The following CNGB1 variants were observed in gnomAD, a reference collection of about 807,000 sequenced individuals.
CNGB1 encodes cyclic nucleotide gated channel subunit beta 1.
In CNGB1, 126 loss-of-function variants were observed where a neutral mutation model predicts 151.7. That is an observed-to-expected ratio of 0.83 (90% CI 0.72 to 0.96). The LOEUF is 0.96. Among genes scored for constraint, CNGB1 ranks in the 40% least tolerant of loss-of-function variants. The pLI, the probability that CNGB1 is intolerant of heterozygous loss-of-function variation, is 0.00. For missense variants in CNGB1, 1,698 were observed against 1,627.0 expected, an observed-to-expected ratio of 1.04 and a Z score of -0.75; for synonymous variants, 623 against 635.1, an observed-to-expected ratio of 0.98 and a Z score of 0.29.
chr16:57,911,814 A>G lies in CNGB1; in HGVS notation c.2431T>C (p.Trp811Arg), dbSNP rs1960722877. 1.2e-6 allele frequency: 2 copies of G among 1,614,116 alleles called. No homozygotes were observed. The highest frequency in any genetic ancestry group is 1.7e-5 in the Admixed American group (1 of 60,024). The change falls in exon 25 of 33, where the codon TGG becomes CGG. Residue 811 changes from tryptophan to arginine, a missense_variant. Transcript: ENST00000251102. ...CCGAGGCCCTGATAGGCCGATGCCCAGTAATAAAGACAGGAATTCAAATGC... is the reference window on the plus strand; with the variant it reads ...CCGAGGCCCTGATAGGCCGATGCCCGGTAATAAAGACAGGAATTCAAATGC... ...SLHLNSCLYY[W>R]ASAYQGLGST...
At position 57,884,150 on chromosome 16, in the gene CNGB1, C is replaced by T. The variant is rs1249177840; in HGVS notation, c.*14G>A. On this transcript the variant is annotated 3_prime_UTR_variant, in exon 33 of 33. Transcript: ENST00000251102. ...ACCTGCTGGAACTGCGCGCGGGATC[C>T]GCCTCACCCCACCTTACTCCGCCTT... 2 of 1,613,814 alleles carry T rather than the reference C, an allele frequency of 1.2e-6. No homozygotes were observed. The highest frequency in any genetic ancestry group is 1.7e-6 in the Non-Finnish European group (2 of 1,179,868).
At chr16:57,912,572 TTGTG>T (rs139857300) in intron 24 of CNGB1, among the ~76,000 whole-genome samples, 23 of 144,668 alleles carry the variant, frequency 1.6e-4, no homozygotes, top group Non-Finnish European at 2.7e-4. Flanking sequence ...ACTTCCTGTG[TTGTG>T]TGTGTGTGTG....
chr16:57,964,362 G>T, intron 3 of CNGB1, 125 bp downstream of exon 3: 1 of 1,407,226 alleles, frequency 7.1e-7, no homozygotes, highest in Non-Finnish European at 9.9e-7. Context: ...CCCACCCTTA[G>T]CTTCTCTGAG....
Position 57,917,400 on chromosome 16 carries a change from C to A in CNGB1, c.2034G>T (p.Trp678Cys). The A allele has an allele frequency of 1.9e-6, 3 of 1,614,048 alleles. No individual in the cohort carries two copies. The highest frequency in any genetic ancestry group is 2.5e-6 in the Non-Finnish European group (3 of 1,180,008). ...NWNCWLIPVRWAFPYQTPDNI... is the reference protein window; with the variant it reads ...NWNCWLIPVRCAFPYQTPDNI... The stretch of plus-strand genomic sequence containing the variant: ...TGTCCGGGGTCTGGTAGGGGAAGGC[C>A]CAGCGCACGGGAATCAGCCAACAGT... The change falls in exon 21 of 33, where the codon TGG becomes TGT. Residue 678 changes from tryptophan (W) to cysteine (C), a missense_variant. By Grantham distance (215) the Trp-to-Cys change is radical (BLOSUM62 -2). Transcript: ENST00000251102.
At chr16:57,967,448 AT>A (rs1206576744) in intron 1 of CNGB1, 154 bp from the exon 2 acceptor site, 1 of 724,338 alleles carries the variant, frequency 1.4e-6, no homozygotes, top group African/African-American at 1.8e-5. Context: ...AATCCCAGCA[AT>A]TTGGGAGGCT....
chr16:57,890,715 T>G (rs1351197154), intron 31 of CNGB1, among the ~76,000 whole-genome samples: 1 of 152,242 alleles, frequency 6.6e-6, no homozygotes, highest in African/African-American at 2.4e-5. Flanking sequence ...GTCCCCCATC[T>G]GCAAAGCAGG....
Position 57,898,058 on chromosome 16 carries a change from G to A in CNGB1, c.2977-144C>T, listed in dbSNP as rs1054971993. ...CCCTGCCACCACAACTTGGGGTGTC[G>A]TGTGGGGGCAGTCACTTCCCTCTCA... On this transcript the variant is annotated intron_variant, in intron 29 of 32. Coordinates refer to ENST00000251102, the MANE Select transcript of CNGB1 (RefSeq NM_001297.5). 1.3e-4 allele frequency: 102 copies of A among 805,792 alleles called. 1 individual carries two copies. In the African/African-American group the frequency reaches 1.3e-3, roughly 11 times the overall value. 49.9% of individuals were successfully genotyped at this position (805,792 alleles called of 1,614,324 possible).
intron 32 of CNGB1, 140 bp downstream of exon 32, chr16:57,887,715 A>G: frequency 1.2e-6 from 1 of 836,414 alleles, no homozygotes; most frequent in Non-Finnish European, 2.0e-6. Flanking sequence ...TGTCACTGGT[A>G]ACCAAATGAG....
intron 7 of CNGB1, among the ~76,000 whole-genome samples, chr16:57,961,932 G>T (rs986292673): frequency 1.3e-5 from 2 of 152,188 alleles, no homozygotes; most frequent in Non-Finnish European, 2.9e-5. Flanking sequence ...AGCTTACTTT[G>T]GAAGTCTACA....
At position 57,960,038 on chromosome 16, in the gene CNGB1, C is replaced by G; in HGVS notation, c.611G>C (p.Gly204Ala). Residue 204 changes from glycine (G) to alanine (A), a missense_variant, in exon 10 of 33, where the codon GGG becomes GCG. Coordinates refer to ENST00000251102, the MANE Select transcript of CNGB1 (RefSeq NM_001297.5). ...GGTCTCCCGGGCCTGCAGCTTGGGC[C>G]CCATTTCCTGGGGGCGTCCTGGAGG... ...PAPPGRPQEMGPKLQARETPS... is the reference protein window; with the variant it reads ...PAPPGRPQEMAPKLQARETPS... 1.3e-6 allele frequency: 2 copies of G among 1,565,620 alleles called. No individual in the cohort carries two copies. Among genetic ancestry groups the G allele is most frequent in the Non-Finnish European group, 1.7e-6 (2 of 1,158,692 alleles).
At position 57,884,168 on chromosome 16, in the gene CNGB1, T is replaced by C; in HGVS notation, c.3752A>G (p.Glu1251Gly). Residue 1251 changes from glutamate (E) to glycine (G), a missense_variant, in exon 33 of 33, where the codon GAG becomes GGG. By Grantham distance (98) the Glu-to-Gly change is moderately conservative (BLOSUM62 -2). Coordinates refer to ENST00000251102, the MANE Select transcript of CNGB1 (RefSeq NM_001297.5). ...KMPEEREEKA[E>G] ...CGGGATCCGCCTCACCCCACCTTACTCCGCCTTCTCCTCCCTTTCCTCCGG... is the reference window on the plus strand; with the variant it reads ...CGGGATCCGCCTCACCCCACCTTACCCCGCCTTCTCCTCCCTTTCCTCCGG... 1 of 1,614,038 alleles carries C rather than the reference T, an allele frequency of 6.2e-7. No homozygotes were observed. The highest frequency in any genetic ancestry group is 8.5e-7 in the Non-Finnish European group (1 of 1,179,918).
At chr16:57,927,481 T>C (rs1341054232) in intron 17 of CNGB1, among the ~76,000 whole-genome samples, 1 of 152,202 alleles carries the variant, frequency 6.6e-6, no homozygotes, top group Admixed American at 6.5e-5. Flanking sequence ...GGCACTTGCT[T>C]GTTTATTTGG....
At position 57,950,560 on chromosome 16, in the gene CNGB1, A is replaced by G; in HGVS notation, c.875-20T>C. ...TGCTGACTGCAGGGAACACAGGAAG[A>G]GCCATTTATGGGATGTGCGGGAGAG... is the stretch of plus-strand genomic sequence containing the variant. On this transcript the variant is annotated intron_variant, in intron 12 of 32. Coordinates refer to ENST00000251102, the MANE Select transcript of CNGB1 (RefSeq NM_001297.5). The G allele has an allele frequency of 6.2e-7, 1 of 1,613,842 alleles. No individual in the cohort carries two copies. Among genetic ancestry groups the G allele is most frequent in the Middle Eastern group, 1.7e-4 (1 of 6,058 alleles).
rs1390089871 is a variant in CNGB1 at position 57,903,975 on chromosome 16, C to T, written c.2641G>A (p.Asp881Asn). 1.2e-6 allele frequency: 2 copies of T among 1,613,690 alleles called. No individual in the cohort carries two copies. Among genetic ancestry groups the T allele is most frequent in the Admixed American group, 1.7e-5 (1 of 59,980 alleles). The change falls in exon 27 of 33, where the codon GAT becomes AAT. Residue 881 changes from aspartate to asparagine, a missense_variant. Coordinates refer to ENST00000251102, the MANE Select transcript of CNGB1 (RefSeq NM_001297.5). ...AFSVMIGQMR[D>N]VVGAATAGQT... is the part of the protein sequence containing the mutation. ...CCGGCGGTGGCGGCCCCTACCACATCTCTCATCTGGGGGAAGGGTTATGGG... is the reference window on the plus strand; with the variant it reads ...CCGGCGGTGGCGGCCCCTACCACATTTCTCATCTGGGGGAAGGGTTATGGG...
Position 57,949,369 on chromosome 16 carries a change from C to T in CNGB1, c.1105G>A (p.Glu369Lys). Residue 369 changes from glutamate (E) to lysine (K), a missense_variant, in exon 14 of 33, where the codon GAG (glutamate) becomes AAG (lysine). Transcript: ENST00000251102. ...EEEEEEEEEE[E>K]EEVTEVLLDS... Reference sequence around the variant, plus strand: ...ATGACTTACTCAGTCACCTCCTCCTCTTCCTCCTCCTCCTCCTCTTCCTCT... The same window carrying T: ...ATGACTTACTCAGTCACCTCCTCCTTTTCCTCCTCCTCCTCCTCTTCCTCT... 1 of 1,611,824 alleles carries T rather than the reference C, an allele frequency of 6.2e-7. No homozygotes were observed. Among genetic ancestry groups the T allele is most frequent in the Admixed American group, 1.7e-5 (1 of 60,010 alleles).
At chr16:57,953,508 A>AAG (rs1555493099) in intron 12 of CNGB1, among the ~76,000 whole-genome samples, 7 of 151,334 alleles carry the variant, frequency 4.6e-5, no homozygotes, top group African/African-American at 1.7e-4. Context: ...AAAAAAAAAA[A>AAG]AAAAGAAAGT....
intron 27 of CNGB1, among the ~76,000 whole-genome samples, chr16:57,903,185 CTTTTT>C (rs60099371): frequency 8.2e-6 from 1 of 122,684 alleles, no homozygotes; most frequent in East Asian, 2.3e-4. Context: ...GTCCTTCTTC[CTTTTT>C]TTTTTTTTTT....
chr16:57,907,524 T>A (rs528207403), intron 25 of CNGB1, among the ~76,000 whole-genome samples: 178 of 152,346 alleles, frequency 1.2e-3, no homozygotes, highest in African/African-American at 4.2e-3. Flanking sequence ...AGGCTAGACA[T>A]GCTACACATA....
At position 57,939,182 on chromosome 16, in the gene CNGB1, G is replaced by A. The variant is rs183769045; in HGVS notation, c.1372+248C>T. ...AGTTGGCTGGGATCGGGATTTCCCC[G>A]GCGCCACTGGGAGTCCTGGGCCTCA... is the stretch of plus-strand genomic sequence containing the variant. On this transcript the variant is annotated intron_variant, in intron 16 of 32. Transcript: ENST00000251102. Among the ~76,000 whole-genome samples the A allele has an allele frequency of 5.4e-4, 82 of 152,242 alleles. No individual in the cohort carries two copies. In the Middle Eastern group the frequency reaches 0.01, roughly 19 times the overall value.
Sources: gnomAD v4.1 joint callset for allele counts (sites outside exome capture counted in the v4.1 genomes callset) on GRCh38, gnomAD v4.1.1 for gene constraint, MANE v1.5 for transcripts, NCBI Gene and HGNC (gene_info 2026-07-23, HGNC 2026-07-21) for gene names.